RNF213: variants seen among roughly 807,000 people sequenced by gnomAD.
RNF213 encodes ring finger protein 213, also known as E3 ubiquitin-protein ligase RNF213.
A neutral mutation model predicts 514.4 loss-of-function variants in RNF213; 341 were observed. The observed-to-expected ratio is 0.66, with a 90% CI of 0.61 to 0.73. The LOEUF is 0.73. RNF213 is among the 30% of genes least tolerant of loss of function. The pLI is 0.00. For missense variants in RNF213, 5,767 were observed against 6,615.6 expected, an observed-to-expected ratio of 0.87 and a Z score of 4.45; for synonymous variants, 2,655 against 2,658.2, an observed-to-expected ratio of 1.00 and a Z score of 0.04.
At chr17:80,261,007 AT>A (rs2043395949) in intron 1 of RNF213, 105 bp downstream of exon 1, 1 of 151,208 alleles carries the variant, frequency 6.6e-6, no homozygotes, top group African/African-American at 2.4e-5. Flanking sequence ...CTGCGTCCGG[AT>A]GCCCCTCCCG....
In RNF213 at chr17:80,344,932, G is replaced by A. The variant is rs74651365; in HGVS notation, c.6597G>A (p.Gln2199=). ...SVEGTPEECL[Q]HFLFHCGVIN... ...AAGGCACCCCGGAGGAATGCCTCCA[G>A]CATTTCCTGTTTCACTGCGGGGTAA... Residue 2199 remains glutamine, a synonymous_variant, in exon 29 of 68, where the codon CAG becomes CAA. Transcript: ENST00000582970. 370 of 1,614,170 alleles carry A rather than the reference G, an allele frequency of 2.3e-4. 1 individual carries two copies. The East Asian group carries it at 7.4e-3, about 32-fold the overall frequency.
At chr17:80,350,039 C>A in intron 30 of RNF213, 133 bp downstream of exon 30, 1 of 1,052,564 alleles carries the variant, frequency 9.5e-7, no homozygotes, top group Non-Finnish European at 1.4e-6. Context: ...CTTGTTAAAT[C>A]TCTCCCAGCA....
In RNF213 at chr17:80,294,982, T is replaced by C; in HGVS notation, c.1734T>C (p.Asp578=). The C allele has an allele frequency of 5.6e-6, 9 of 1,614,112 alleles. 2 individuals carry two copies. In the Middle Eastern group the frequency reaches 1.5e-3, roughly 266 times the overall value. Residue 578 remains aspartate, a synonymous_variant, in exon 9 of 68, where the codon GAT becomes GAC. Transcript: ENST00000582970. ...IYEGQAQLWT[D]LQYREKEVKR... is the part of the protein sequence containing the mutation. ...AAGGACAGGCACAGCTGTGGACCGA[T>C]TTGCAGTACAGGGAGAAAGAGGTAT...
intron 58 of RNF213, 117 bp downstream of exon 58, chr17:80,383,187 A>C: frequency 1.3e-6 from 1 of 742,768 alleles, no homozygotes; most frequent in Non-Finnish European, 2.4e-6. Context: ...AGAGCCTTTG[A>C]CTGAGCCCCA....
At chr17:80,291,520 G>T in intron 7 of RNF213, 108 bp from the exon 8 acceptor site, 1 of 1,152,022 alleles carries the variant, frequency 8.7e-7, no homozygotes, top group Non-Finnish European at 1.3e-6. Flanking sequence ...ACTGAACCCA[G>T]CCTTGCCACA....
intron 26 of RNF213, among the ~76,000 whole-genome samples, chr17:80,342,536 T>TTCTC (rs147286130): frequency 0.077 from 11,290 of 146,906 alleles, 925 homozygotes; most frequent in African/African-American, 0.21. Context: ...GACTTAATTT[T>TTCTC]TCTCTCTCTC....
At position 80,263,793 on chromosome 17, in the gene RNF213, TGCTGGTGGAG is replaced by T; in HGVS notation, c.97+21_97+30del. 6.2e-7 allele frequency: 1 copy of T among 1,611,610 alleles called. No individual in the cohort carries two copies. Among genetic ancestry groups the T allele is most frequent in the Non-Finnish European group, 8.5e-7 (1 of 1,178,024 alleles). On this transcript the variant is annotated intron_variant, in intron 2 of 67. Transcript: ENST00000582970. This position sits in a 1 kb window ranked among gnomAD's most constrained non-coding sequence, Gnocchi z 4.9. ...CCCCATAGCAGGTGAGGCCCAGGGG[TGCTGGTGGAG>T]GCTGGGGCAGTGGGGACCCCTGGAG...
intron 42 of RNF213, 147 bp from the exon 43 acceptor site, chr17:80,367,601 T>TA (rs1426389433): frequency 1.2e-5 from 8 of 668,868 alleles, no homozygotes; most frequent in Non-Finnish European, 2.2e-5. Context: ...GTTCAAGCGT[T>TA]AAACACAGGA....
chr17:80,269,369 C>T (rs1300009513), intron 2 of RNF213, among the ~76,000 whole-genome samples: 2 of 150,414 alleles, frequency 1.3e-5, no homozygotes, highest in Non-Finnish European at 3.0e-5. Context: ...TGTCCACCTA[C>T]CCTATCTATC....
In RNF213 at chr17:80,372,645, C is replaced by A; in HGVS notation, c.12662C>A (p.Ala4221Asp). The part of the protein sequence containing the change: ...ASRGREPANE[A>D]SVEYLQEVAR... Reference sequence around the variant, plus strand: ...CGGGGCCGAGAGCCTGCCAACGAGGCCTCGGTTGAATACCTGCAAGAGGTG... The same window carrying A: ...CGGGGCCGAGAGCCTGCCAACGAGGACTCGGTTGAATACCTGCAAGAGGTG... Residue 4221 changes from alanine (A) to aspartate (D), a missense_variant, in exon 48 of 68, where the codon GCC (alanine) becomes GAC (aspartate). Physicochemically the swap from Ala to Asp is moderately radical, Grantham distance 126. Coordinates refer to ENST00000582970, the MANE Select transcript of RNF213 (RefSeq NM_001256071.3). 1 of 1,614,090 alleles carries A rather than the reference C, an allele frequency of 6.2e-7. No individual in the cohort carries two copies. Among genetic ancestry groups the A allele is most frequent in the Non-Finnish European group, 8.5e-7 (1 of 1,180,026 alleles).
intron 26 of RNF213, 184 bp downstream of exon 26, chr17:80,340,540 C>T (rs1446797492): frequency 7.1e-6 from 4 of 561,890 alleles, no homozygotes; most frequent in African/African-American, 5.7e-5. Flanking sequence ...TGGTCTCCCA[C>T]AATGGGTATT....
chr17:80,380,209 C>A (rs1031069740), intron 55 of RNF213, among the ~76,000 whole-genome samples: 6 of 152,144 alleles, frequency 3.9e-5, no homozygotes, highest in African/African-American at 1.2e-4. Flanking sequence ...AAATCCGATC[C>A]CACAATCCCA....
intron 11 of RNF213, among the ~76,000 whole-genome samples, chr17:80,301,584 C>T (rs557889568): frequency 6.6e-4 from 101 of 152,164 alleles, no homozygotes; most frequent in African/African-American, 2.4e-3. Flanking sequence ...AAATCAAAAC[C>T]ACAATGAGAT....
chr17:80,330,666 G>A (rs1197779697), intron 20 of RNF213, among the ~76,000 whole-genome samples: 3 of 152,230 alleles, frequency 2.0e-5, no homozygotes, highest in Non-Finnish European at 1.5e-5. Context: ...GTCTAGAAAG[G>A]CCCTTTGTTC....
chr17:80,322,418 TACAA>T (rs1263554080), intron 17 of RNF213, among the ~76,000 whole-genome samples: 1 of 151,820 alleles, frequency 6.6e-6, no homozygotes, highest in Non-Finnish European at 1.5e-5. Flanking sequence ...CTACTAAAAA[TACAA>T]ACAATTAGCT....
intron 67 of RNF213, among the ~76,000 whole-genome samples, chr17:80,390,970 G>A (rs926904777): frequency 2.0e-5 from 3 of 152,132 alleles, no homozygotes; most frequent in Non-Finnish European, 2.9e-5. Context: ...GCTGAGGCAG[G>A]AGAATTGCTT....
rs1599010785 is a variant in RNF213, at chr17:80,317,700, T to A, written c.2901+423T>A. On this transcript the variant is annotated intron_variant, in intron 16 of 67. Transcript: ENST00000582970. The surrounding 1 kb of genome is among the most constrained non-coding windows in gnomAD (Gnocchi z 4.1). ...GCAGCAGTGCCCAGATTGAGGTGCC[T>A]GCAACCCCCGAAGCTCCAGAGGGCA... Among the ~76,000 whole-genome samples, 3 of 152,170 alleles carry A rather than the reference T, an allele frequency of 2.0e-5. No individual in the cohort carries two copies. The East Asian group carries it at 5.8e-4, about 29-fold the overall frequency.
chr17:80,376,179 A>G lies in RNF213; in HGVS notation c.13186-122A>G. On this transcript the variant is annotated intron_variant, in intron 51 of 67. Coordinates refer to ENST00000582970, the MANE Select transcript of RNF213 (RefSeq NM_001256071.3). ...CTTCTCTGAAAAATTTCCCCCTCAA[A>G]TGGTGGTGATTTCTCCATATTTACC... 3 of 1,203,864 alleles carry G rather than the reference A, an allele frequency of 2.5e-6. No homozygotes were observed. The Admixed American group carries it at 5.3e-5, about 21-fold the overall frequency. The allele number at this position is 1,203,864 out of a possible 1,614,324, so 74.6% of individuals were successfully genotyped here. A position where few individuals can be genotyped will look rare whatever the true frequency, so the allele number is the denominator to read the frequency against.
intron 15 of RNF213, among the ~76,000 whole-genome samples, chr17:80,314,328 ATGG>A (rs371930100): frequency 0.054 from 380 of 7,020 alleles, 40 homozygotes; most frequent in Middle Eastern, 0.091. Context: ...AATGGAGGTG[ATGG>A]TGGTGGTGGT....
Sources: gnomAD v4.1 joint callset for allele counts (sites outside exome capture counted in the v4.1 genomes callset) on GRCh38, gnomAD v4.1.1 for gene constraint, Gnocchi (gnomAD v3.1) non-coding constraint, MANE v1.5 for transcripts, NCBI Gene and HGNC (gene_info 2026-07-23, HGNC 2026-07-21) for gene names.